The following RAD51B variants were observed in gnomAD, a reference collection of about 807,000 sequenced individuals.
RAD51B encodes the protein DNA repair protein RAD51 homolog 2.
In RAD51B, 38 loss-of-function variants were observed where a neutral mutation model predicts 42.2. That is an observed-to-expected ratio of 0.90 (90% CI 0.70 to 1.18). The LOEUF is 1.18. Ranked by LOEUF, RAD51B falls within the 50% of genes most tolerant of loss-of-function variation. The pLI, the probability that RAD51B is intolerant of heterozygous loss-of-function variation, is 0.00. For synonymous variants in RAD51B, 154 were observed against 145.2 expected, an observed-to-expected ratio of 1.06 and a Z score of -0.43; for missense variants, 373 against 400.7, an observed-to-expected ratio of 0.93 and a Z score of 0.59.
At chr14:67,902,957 C>T (rs2043660959) in intron 7 of RAD51B, among the ~76,000 whole-genome samples, 1 of 151,972 alleles carries the variant, frequency 6.6e-6, no homozygotes, top group South Asian at 2.1e-4. Flanking sequence ...TCAGGCAATT[C>T]TCTTGCCTAA....
intron 11 of RAD51B, among the ~76,000 whole-genome samples, chr14:68,659,078 G>C (rs17756782): frequency 0.28 from 42,951 of 152,160 alleles, 7,226 homozygotes; most frequent in East Asian, 0.81. Context: ...GTGACCGTGT[G>C]GCCTGGAGGG....
chr14:68,257,187 A>G (rs1045757516), intron 7 of RAD51B, among the ~76,000 whole-genome samples: 3 of 152,196 alleles, frequency 2.0e-5, no homozygotes, highest in African/African-American at 7.2e-5. Context: ...AGAGGTTTCC[A>G]GGAGCTTGGG....
At chr14:68,316,636 G>A (rs1294498882) in intron 8 of RAD51B, among the ~76,000 whole-genome samples, 1 of 152,126 alleles carries the variant, frequency 6.6e-6, no homozygotes, top group Non-Finnish European at 1.5e-5. Flanking sequence ...GAACAACAGC[G>A]CCTTTGTGAT....
chr14:67,852,046 C>T (rs571256514), intron 4 of RAD51B, among the ~76,000 whole-genome samples: 23 of 151,596 alleles, frequency 1.5e-4, no homozygotes, highest in African/African-American at 4.8e-4. Flanking sequence ...TCAGGCTCTT[C>T]ACTCCCTCCC....
At chr14:68,663,310 AAGAG>A (rs3077379) in intron 11 of RAD51B, among the ~76,000 whole-genome samples, 115,165 of 149,058 alleles carry the variant, frequency 0.77, 44,466 homozygotes, top group East Asian at 0.86. Flanking sequence ...CTCAAAAACA[AAGAG>A]AGAGAGAGAG....
chr14:68,677,663 G>A (rs992905352), intron 11 of RAD51B, among the ~76,000 whole-genome samples: 3 of 152,146 alleles, frequency 2.0e-5, no homozygotes, highest in South Asian at 2.1e-4. Context: ...ACTGTCTTAC[G>A]TGTTGAGGCA....
chr14:68,622,335 G>T (rs1168601909), intron 10 of RAD51B, among the ~76,000 whole-genome samples: 2 of 152,158 alleles, frequency 1.3e-5, no homozygotes, highest in Non-Finnish European at 1.5e-5. Flanking sequence ...ATCATCTTGG[G>T]TCAGGATTGG....
chr14:68,433,202 T>C (rs2085057254), intron 9 of RAD51B, among the ~76,000 whole-genome samples: 1 of 152,186 alleles, frequency 6.6e-6, no homozygotes, highest in African/African-American at 2.4e-5. Context: ...ATTTCAACTT[T>C]GGTGAATCTG....
At chr14:68,648,155 GTATATATATATATACACAC>G (rs1892622187) in intron 10 of RAD51B, among the ~76,000 whole-genome samples, 1 of 102,456 alleles carries the variant, frequency 9.8e-6, no homozygotes, top group Non-Finnish European at 2.0e-5. Context: ...ATACACACAC[GTATATATATATATACACAC>G]GTATATATAT....
chr14:68,231,254 C>T (rs1438757983), intron 7 of RAD51B, among the ~76,000 whole-genome samples: 1 of 152,274 alleles, frequency 6.6e-6, no homozygotes, highest in South Asian at 2.1e-4. Flanking sequence ...CTGGTTGCCA[C>T]CTTTTTCTTC....
intron 7 of RAD51B, among the ~76,000 whole-genome samples, chr14:68,240,519 G>T (rs1055143844): frequency 4.6e-5 from 7 of 152,206 alleles, no homozygotes; most frequent in African/African-American, 1.4e-4. Flanking sequence ...GTTTCAGCTG[G>T]CTCAGGAACT....
chr14:67,942,024 T>C (rs2045227782), intron 7 of RAD51B, among the ~76,000 whole-genome samples: 1 of 152,272 alleles, frequency 6.6e-6, no homozygotes, highest in Admixed American at 6.5e-5. Context: ...AAGGACTGTT[T>C]GCTTTTCTCT....
At chr14:67,986,011 T>TTGTG (rs10568389) in intron 7 of RAD51B, among the ~76,000 whole-genome samples, 5 of 150,762 alleles carry the variant, frequency 3.3e-5, no homozygotes, top group African/African-American at 1.2e-4. Context: ...GTACCTTGAT[T>TTGTG]TGTGTGTGTG....
chr14:68,541,864 T>C, intron 10 of RAD51B: 1 of 965,132 alleles, frequency 1.0e-6, no homozygotes. Context: ...ACAAGCCTCA[T>C]CTCATCTCCT....
At chr14:68,459,883 TC>T (rs1489147618) in intron 9 of RAD51B, among the ~76,000 whole-genome samples, 4 of 152,160 alleles carry the variant, frequency 2.6e-5, no homozygotes, top group Non-Finnish European at 5.9e-5. Flanking sequence ...ATTTCACTCT[TC>T]CTTTCACCTC....
intron 8 of RAD51B, among the ~76,000 whole-genome samples, chr14:68,372,558 C>T (rs968148788): frequency 6.6e-6 from 1 of 152,018 alleles, no homozygotes; most frequent in Non-Finnish European, 1.5e-5. Context: ...TCAAGAGATA[C>T]AAAAGCAAAT....
At chr14:68,128,679 G>A (rs1355281211) in intron 7 of RAD51B, among the ~76,000 whole-genome samples, 1 of 152,114 alleles carries the variant, frequency 6.6e-6, no homozygotes, top group Non-Finnish European at 1.5e-5. Context: ...GTGACAGAGT[G>A]AGACCCTGTC....
chr14:68,386,046 A>C (rs2083587466), intron 8 of RAD51B, among the ~76,000 whole-genome samples: 1 of 152,122 alleles, frequency 6.6e-6, no homozygotes, highest in South Asian at 2.1e-4. Context: ...TCATTGCTCT[A>C]TTTCCCGTCT....
intron 7 of RAD51B, among the ~76,000 whole-genome samples, chr14:68,275,793 T>C (rs1272575156): frequency 9.4e-6 from 1 of 106,420 alleles, no homozygotes; most frequent in African/African-American, 4.0e-5. Context: ...AAACTAGCTC[T>C]CCACACACAC....
Sources: gnomAD v4.1 joint callset for allele counts (sites outside exome capture counted in the v4.1 genomes callset) on GRCh38, gnomAD v4.1.1 for gene constraint, MANE v1.5 for transcripts, NCBI Gene and HGNC (gene_info 2026-07-23, HGNC 2026-07-21) for gene names.